HDAC4: variants seen among roughly 807,000 people sequenced by gnomAD.
The protein encoded by HDAC4 is histone deacetylase A.
A neutral mutation model predicts 135.1 loss-of-function variants in HDAC4; 16 were observed. The observed-to-expected ratio is 0.12, with a 90% CI of 0.08 to 0.18. The LOEUF (loss-of-function observed/expected upper bound fraction) is 0.18, where lower values mean the gene tolerates loss of function less well. Ranked by LOEUF, HDAC4 falls within the 10% of genes least tolerant of loss-of-function variation. The probability of loss-of-function intolerance (pLI) is 1.00; values close to 1 mark genes in which losing one functional copy is unlikely to be tolerated. For synonymous variants in HDAC4, 685 were observed against 653.4 expected (o/e 1.05, Z -0.74); for missense variants, 1,143 against 1,511.8 (o/e 0.76, Z 4.05).
chr2:239,108,219 T>A (rs1559442464), intron 14 of HDAC4, 36 bp from the exon 15 acceptor site: 1 of 1,574,150 alleles, frequency 6.4e-7, no homozygotes. Flanking sequence ...TCAGCGCACA[T>A]CCAGGGGCGA....
At chr2:239,108,855 A>G (rs1447933551) in intron 14 of HDAC4, among the ~76,000 whole-genome samples, 1 of 152,238 alleles carries the variant, frequency 6.6e-6, no homozygotes, top group Admixed American at 6.5e-5. Context: ...ACGGGCCCCC[A>G]GGGTGCGGCA....
chr2:239,061,345 G>A (rs1270752667), intron 24 of HDAC4, among the ~76,000 whole-genome samples: 1 of 149,768 alleles, frequency 6.7e-6, no homozygotes, highest in Non-Finnish European at 1.5e-5. Flanking sequence ...CCTGTGTGGT[G>A]CATGTGATGT....
chr2:239,397,912 G>A (rs1045790353), intron 1 of HDAC4, among the ~76,000 whole-genome samples: 3 of 152,146 alleles, frequency 2.0e-5, no homozygotes, highest in Non-Finnish European at 4.4e-5. Flanking sequence ...GGCATATGCT[G>A]ACCACCTGAA....
intron 9 of HDAC4, among the ~76,000 whole-genome samples, chr2:239,138,303 G>C (rs150226487): frequency 6.6e-5 from 10 of 152,254 alleles, no homozygotes; most frequent in African/African-American, 2.4e-4. Flanking sequence ...GGCAAAATTC[G>C]TTCTGAGCAG....
Position 239,244,276 on chromosome 2 carries a change from G to A in HDAC4, c.23-7612C>T, listed in dbSNP as rs1007698480. 3.9e-5 allele frequency among the ~76,000 whole-genome samples: 6 copies of A among 152,326 alleles called. No individual in the cohort carries two copies. The East Asian group carries it at 9.7e-4, about 25-fold the overall frequency. On this transcript the variant is annotated intron_variant, in intron 2 of 26. Coordinates refer to ENST00000543185, the MANE Select transcript of HDAC4 (RefSeq NM_001378414.1). ...GTCTTTTGCCTGAATAAGGAGGGACGGAAAACTCCTTCTGCTGGGAGGATT... is the reference window on the plus strand; with the variant it reads ...GTCTTTTGCCTGAATAAGGAGGGACAGAAAACTCCTTCTGCTGGGAGGATT...
chr2:239,171,069 A>C (rs1242484223), intron 5 of HDAC4, among the ~76,000 whole-genome samples: 1 of 152,086 alleles, frequency 6.6e-6, no homozygotes, highest in Non-Finnish European at 1.5e-5. Flanking sequence ...AGTCCACTCG[A>C]AAAGAATGTG....
At chr2:239,201,399 C>T (rs926942866) in intron 3 of HDAC4, among the ~76,000 whole-genome samples, 16 of 152,162 alleles carry the variant, frequency 1.1e-4, no homozygotes, top group African/African-American at 3.6e-4. Context: ...GCTCCGGAGT[C>T]GATGGTCTTC....
intron 20 of HDAC4, 121 bp downstream of exon 20, chr2:239,084,034 G>A (rs770131687): frequency 6.7e-6 from 5 of 747,328 alleles, no homozygotes; most frequent in African/African-American, 3.5e-5. Flanking sequence ...CTTTGAGACC[G>A]TTTCCAGAAA....
intron 2 of HDAC4, among the ~76,000 whole-genome samples, chr2:239,266,246 A>G (rs2049720330): frequency 6.6e-6 from 1 of 152,206 alleles, no homozygotes; most frequent in Non-Finnish European, 1.5e-5. Context: ...TTCCTGTAGC[A>G]GAGCCGCTAG....
intron 19 of HDAC4, among the ~76,000 whole-genome samples, chr2:239,086,922 T>A (rs1032469987): frequency 2.0e-5 from 3 of 152,136 alleles, no homozygotes; most frequent in African/African-American, 7.2e-5. Flanking sequence ...AGCATGCTCT[T>A]TGACGGGATA....
At chr2:239,067,509 G>GA (rs2033668065) in intron 23 of HDAC4, among the ~76,000 whole-genome samples, 1 of 152,266 alleles carries the variant, frequency 6.6e-6, no homozygotes, top group South Asian at 2.1e-4. Flanking sequence ...CCATCTGATG[G>GA]AAACAGTGAC....
chr2:239,072,255 AT>A (rs2034271814), intron 22 of HDAC4, among the ~76,000 whole-genome samples: 1 of 152,214 alleles, frequency 6.6e-6, no homozygotes, highest in South Asian at 2.1e-4. Flanking sequence ...GTGCGAATTT[AT>A]TTTGGTGCAG....
rs746782134 is a variant in HDAC4, at chr2:239,082,233, G to A, written c.2533-12C>T. On this transcript the variant is annotated splice_polypyrimidine_tract_variant and intron_variant, in intron 20 of 26. Transcript: ENST00000543185. Reference sequence around the variant, plus strand: ...CCATGGTGCACGTCCTTAAAGAGCAGGGACAACTACTTCAGGGCTGAGGCA... The same window carrying A: ...CCATGGTGCACGTCCTTAAAGAGCAAGGACAACTACTTCAGGGCTGAGGCA... 3.1e-6 allele frequency: 5 copies of A among 1,614,202 alleles called. No homozygotes were observed. Among genetic ancestry groups the A allele is most frequent in the Admixed American group, 1.7e-5 (1 of 60,032 alleles).
chr2:239,398,946 T>C (rs1696749428), intron 1 of HDAC4, among the ~76,000 whole-genome samples: 1 of 152,250 alleles, frequency 6.6e-6, no homozygotes, highest in Admixed American at 6.5e-5. Flanking sequence ...AATTGATTAC[T>C]GCTCTCTTTA....
chr2:239,200,515 C>T (rs1447050746), intron 3 of HDAC4, among the ~76,000 whole-genome samples: 1 of 152,102 alleles, frequency 6.6e-6, no homozygotes, highest in Non-Finnish European at 1.5e-5. Context: ...TTTTTATATG[C>T]CACTTCTGTT....
chr2:239,342,958 C>CT (rs1346810705), intron 2 of HDAC4, among the ~76,000 whole-genome samples: 24 of 152,170 alleles, frequency 1.6e-4, no homozygotes, highest in Non-Finnish European at 4.4e-5. Flanking sequence ...CAGAATTTAT[C>CT]TTTTCTATTT....
intron 16 of HDAC4, among the ~76,000 whole-genome samples, chr2:239,098,566 C>T (rs916147483): frequency 3.3e-5 from 5 of 152,248 alleles, no homozygotes; most frequent in Non-Finnish European, 5.9e-5. Flanking sequence ...CTTTCAGTGA[C>T]GCCTAGGGCA....
intron 5 of HDAC4, among the ~76,000 whole-genome samples, chr2:239,168,406 G>A (rs773823998): frequency 6.6e-6 from 1 of 152,192 alleles, no homozygotes; most frequent in Non-Finnish European, 1.5e-5. Context: ...AAGACAGTGT[G>A]TTCTTGCTAA....
At chr2:239,312,181 G>A (rs941344628) in intron 2 of HDAC4, among the ~76,000 whole-genome samples, 1 of 152,192 alleles carries the variant, frequency 6.6e-6, no homozygotes, top group Non-Finnish European at 1.5e-5. Flanking sequence ...GGGGCGGGCA[G>A]GGGCACCCCT....
Sources: gnomAD v4.1 joint callset for allele counts (sites outside exome capture counted in the v4.1 genomes callset) on GRCh38, gnomAD v4.1.1 for gene constraint, MANE v1.5 for transcripts, NCBI Gene and HGNC (gene_info 2026-07-23, HGNC 2026-07-21) for gene names.